Variants in NOTCH3 observed in about 807,000 individuals in gnomAD.
NOTCH3 encodes neurogenic locus notch homolog protein 3.
Under a neutral mutation model 213.3 loss-of-function variants are expected in NOTCH3, and 86 were observed. That is an observed-to-expected ratio of 0.40 (90% confidence interval 0.34 to 0.48). The LOEUF is 0.48. Among genes scored for constraint, NOTCH3 ranks in the 20% least tolerant of loss-of-function variants. The pLI is 0.57. For synonymous variants in NOTCH3, 1,354 were observed against 1,355.9 expected, an observed-to-expected ratio of 1.00 and a Z score of 0.03; for missense variants, 2,783 against 3,272.6, an observed-to-expected ratio of 0.85 and a Z score of 3.65.
rs184295384 is a variant in NOTCH3 at position 15,187,698 on chromosome 19, C to T, written c.1606+183G>A. ...CAGGCACCCTGTGCCCAGCCCAACA[C>T]TTTGGCTCCACACGTAGCCTTATGT... On this transcript the variant is annotated intron_variant, in intron 10 of 32. Transcript: ENST00000263388. Among the ~76,000 whole-genome samples, 42 of 152,264 alleles carry T rather than the reference C, an allele frequency of 2.8e-4. No individual in the cohort carries two copies. In the East Asian group the frequency reaches 8.1e-3, roughly 29 times the overall value.
In NOTCH3 at chr19:15,161,652, C is replaced by T. The variant is rs1196260535; in HGVS notation, c.5976G>A (p.Leu1992=). ...EGSYEAAKLL[L]DHFANREITD... ...TGATCTCACGGTTGGCAAAGTGGTCCAACAGCAGCTTGGCAGCCTCATAGC... is the reference window on the plus strand; with the variant it reads ...TGATCTCACGGTTGGCAAAGTGGTCTAACAGCAGCTTGGCAGCCTCATAGC... Residue 1992 remains leucine (L), a synonymous_variant, in exon 33 of 33, where the codon TTG becomes TTA. Transcript: ENST00000263388. 1 of 1,613,936 alleles carries T rather than the reference C, an allele frequency of 6.2e-7. No individual in the cohort carries two copies. The highest frequency in any genetic ancestry group is 1.7e-5 in the Admixed American group (1 of 60,000).
In NOTCH3 at chr19:15,160,140, C is replaced by T. The variant is rs943207282; in HGVS notation, c.*522G>A. 8 of 235,968 alleles carry T rather than the reference C, an allele frequency of 3.4e-5. No individual in the cohort carries two copies. The highest frequency in any genetic ancestry group is 6.7e-5 in the Non-Finnish European group (8 of 120,060). 14.6% of individuals were successfully genotyped at this position (235,968 alleles called of 1,614,324 possible). A position where few individuals can be genotyped will look rare whatever the true frequency, so the allele number is the denominator to read the frequency against. ...CTCGGTACACGGGATCCCAGTCATG[C>T]CTGTGTACTAGGTACACAGAATCCA... On this transcript the variant is annotated 3_prime_UTR_variant, in exon 33 of 33. Coordinates refer to ENST00000263388, the MANE Select transcript of NOTCH3 (RefSeq NM_000435.3).
At chr19:15,173,421 CAAAA>C (rs71168587) in intron 25 of NOTCH3, among the ~76,000 whole-genome samples, 9,992 of 68,632 alleles carry the variant, frequency 0.15, 1,352 homozygotes, top group African/African-American at 0.43. Context: ...GACTCCGTCT[CAAAA>C]AAAAAAAAAA....
At chr19:15,178,569 G>A in intron 23 of NOTCH3, 1 of 551,962 alleles carries the variant, frequency 1.8e-6, no homozygotes. Context: ...ATTTTTAGTA[G>A]AGACGGGGTT....
intron 2 of NOTCH3, 59 bp downstream of exon 2, chr19:15,197,441 G>GCGCCGCC: frequency 1.3e-6 from 1 of 768,358 alleles, no homozygotes; most frequent in African/African-American, 1.7e-5. Context: ...AAGACAAATC[G>GCGCCGCC]CCCCTCCCCC....
At chr19:15,169,863 C>T (rs1001658153) in intron 28 of NOTCH3, among the ~76,000 whole-genome samples, 6 of 152,246 alleles carry the variant, frequency 3.9e-5, no homozygotes, top group African/African-American at 1.4e-4. Context: ...TTCCACCTGC[C>T]CGGAGGGACC....
At chr19:15,173,742 GAA>G (rs773516327) in intron 25 of NOTCH3, among the ~76,000 whole-genome samples, 107,740 of 135,634 alleles carry the variant, frequency 0.79, 40,984 homozygotes, top group Non-Finnish European at 0.83. Flanking sequence ...AAAAAAAAAA[GAA>G]AAGAAGAAGG....
At chr19:15,177,111 C>T (rs1188031037) in intron 24 of NOTCH3, among the ~76,000 whole-genome samples, 1 of 142,850 alleles carries the variant, frequency 7.0e-6, no homozygotes, top group Non-Finnish European at 1.5e-5. Context: ...CGGCTGGGCA[C>T]GGTGGCTCAC....
intron 10 of NOTCH3, 49 bp from the exon 11 acceptor site, chr19:15,187,387 C>T (rs2046891872): frequency 6.5e-7 from 1 of 1,542,098 alleles, no homozygotes; most frequent in South Asian, 1.1e-5. Flanking sequence ...GGGGCCTGCC[C>T]ACAAGTGAGG....
In NOTCH3 at chr19:15,159,230, A is replaced by C. The variant is rs1376609716; in HGVS notation, c.*1432T>G. The C allele has an allele frequency of 6.6e-6, 1 of 151,754 alleles. No homozygotes were observed. Among genetic ancestry groups the C allele is most frequent in the Non-Finnish European group, 1.5e-5 (1 of 68,062 alleles). 9.4% of individuals were successfully genotyped at this position (151,754 alleles called of 1,614,324 possible). ...GATAACTGCACTGGGAGCCGAGATA[A>C]CCCCCCCAGCCCTCAAGGAGCCATT... On this transcript the variant is annotated 3_prime_UTR_variant, in exon 33 of 33. Coordinates refer to ENST00000263388, the MANE Select transcript of NOTCH3 (RefSeq NM_000435.3).
chr19:15,165,798 C>G lies in NOTCH3; in HGVS notation c.5656G>C (p.Gly1886Arg). 6.2e-7 allele frequency: 1 copy of G among 1,612,634 alleles called. No individual in the cohort carries two copies. Among genetic ancestry groups the G allele is most frequent in the Non-Finnish European group, 8.5e-7 (1 of 1,180,018 alleles). Residue 1886 changes from glycine (G) to arginine (R), a missense_variant, in exon 30 of 33, where the codon GGT becomes CGT. Transcript: ENST00000263388. This position sits in a 1 kb window ranked among gnomAD's most constrained non-coding sequence, Gnocchi z 4.7. The stretch of plus-strand genomic sequence containing the variant: ...TGTGCCTATCTCACCTGGAAGACAC[C>G]CTGGGCATCGGCTGTGACAGCTGTG... ...LHTAVTADAQ[G>R]VFQILIRNRS...
intron 1 of NOTCH3, among the ~76,000 whole-genome samples, chr19:15,198,920 G>C (rs1318554548): frequency 6.6e-6 from 1 of 150,498 alleles, no homozygotes; most frequent in African/African-American, 2.5e-5. Context: ...AAAAAAAAAA[G>C]AGAGAGAGAA....
Position 15,191,998 on chromosome 19 carries a change from T to G in NOTCH3, c.641A>C (p.Gln214Pro). Residue 214 changes from glutamine (Q) to proline (P), a missense_variant, in exon 4 of 33, where the codon CAG becomes CCG. This residue lies in a region of NOTCH3 where 708 missense variants were observed against 906.6 expected (regional missense o/e 0.78). Transcript: ENST00000263388. ...SPCRNGGTCR[Q>P]SGDLTYDCAC... is the part of the protein sequence containing the mutation. ...ACAGTCGTAAGTGAGGTCGCCACTC[T>G]GCCTGCAGGTGCCCCCGTTACGGCA... 1.2e-6 allele frequency: 2 copies of G among 1,613,400 alleles called. No individual in the cohort carries two copies. The highest frequency in any genetic ancestry group is 8.5e-7 in the Non-Finnish European group (1 of 1,180,006).
intron 2 of NOTCH3, 148 bp from the exon 3 acceptor site, chr19:15,192,667 A>ATT: frequency 1.7e-6 from 2 of 1,205,226 alleles, no homozygotes; most frequent in Non-Finnish European, 2.3e-6. Context: ...GTAATCCCAG[A>ATT]ACTTTGGGAG....
Position 15,189,293 on chromosome 19 carries a change from T to C in NOTCH3, c.1172A>G (p.Asp391Gly). Residue 391 changes from aspartate (D) to glycine (G), a missense_variant, in exon 7 of 33, where the codon GAT (aspartate) becomes GGT (glycine). Around this residue, in one of 6 missense-constraint regions of NOTCH3, gnomAD observed 708 missense variants for 906.6 expected, o/e 0.78. Coordinates refer to ENST00000263388, the MANE Select transcript of NOTCH3 (RefSeq NM_000435.3). ...CTCACCGATAGAGCACTCGTCCACA[T>C]CCTGGTCACATGCCCCACCCGTGAA... ...PGFTGGACDQ[D>G]VDECSIGANP... 6.2e-7 allele frequency: 1 copy of C among 1,614,062 alleles called. No homozygotes were observed. The highest frequency in any genetic ancestry group is 8.5e-7 in the Non-Finnish European group (1 of 1,180,020).
In NOTCH3 at chr19:15,174,368, A is replaced by C; in HGVS notation, c.4436T>G (p.Phe1479Cys). 1.9e-6 allele frequency: 3 copies of C among 1,544,578 alleles called. No homozygotes were observed. Among genetic ancestry groups the C allele is most frequent in the Non-Finnish European group, 2.6e-6 (3 of 1,142,800 alleles). ...PVYEKYCADH[F>C]ADGRCDQGCN... ...GCCCTGGTCGCAGCGGCCGTCGGCA[A>C]AGTGGTCGGCGCAGTACTTCTCGTA... is the stretch of plus-strand genomic sequence containing the variant. Residue 1479 changes from phenylalanine to cysteine, a missense_variant, in exon 25 of 33, where the codon TTT (phenylalanine) becomes TGT (cysteine). By Grantham distance (205) the Phe-to-Cys change is radical. This residue lies in a region of NOTCH3 where 636 missense variants were observed against 801.8 expected (regional missense o/e 0.79). Coordinates refer to ENST00000263388, the MANE Select transcript of NOTCH3 (RefSeq NM_000435.3).
At chr19:15,199,405 CTG>C (rs2046993894) in intron 1 of NOTCH3, among the ~76,000 whole-genome samples, 1 of 152,112 alleles carries the variant, frequency 6.6e-6, no homozygotes, top group South Asian at 2.1e-4. Context: ...GTGTGCACCG[CTG>C]TGTCTGTGTA....
chr19:15,188,402 G>C (rs977282197), intron 8 of NOTCH3, 54 bp from the exon 9 acceptor site: 10 of 1,188,832 alleles, frequency 8.4e-6, no homozygotes, highest in African/African-American at 3.0e-5. Context: ...GGTGTGAACG[G>C]GGTGCAAGGA....
In NOTCH3 at chr19:15,167,327, C is replaced by T. The variant is rs756495084; in HGVS notation, c.5284G>A (p.Val1762Met). 1.2e-4 allele frequency: 191 copies of T among 1,613,214 alleles called. No individual in the cohort carries two copies. The highest frequency in any genetic ancestry group is 4.9e-4 in the South Asian group (45 of 91,088). ...QHHLVAADIR[V>M]APAMALTPPQ... Reference sequence around the variant, plus strand: ...GGTGTCAGTGCCATGGCTGGTGCCACGCGGATGTCAGCAGCAACCAGATGG... The same window carrying T: ...GGTGTCAGTGCCATGGCTGGTGCCATGCGGATGTCAGCAGCAACCAGATGG... The change falls in exon 29 of 33, where the codon GTG (valine) becomes ATG (methionine). Residue 1762 changes from valine (V) to methionine (M), a missense_variant. Around this residue, in one of 6 missense-constraint regions of NOTCH3, gnomAD observed 636 missense variants for 801.8 expected, o/e 0.79. Transcript: ENST00000263388.
Sources: gnomAD v4.1 joint callset for allele counts (sites outside exome capture counted in the v4.1 genomes callset) on GRCh38, gnomAD v4.1.1 for gene constraint, gnomAD v4.1.1 regional missense constraint, Gnocchi (gnomAD v3.1) non-coding constraint, MANE v1.5 for transcripts, NCBI Gene and HGNC (gene_info 2026-07-23, HGNC 2026-07-21) for gene names.